Variants in DTD1 observed in about 807,000 individuals in gnomAD.
DTD1 encodes D-tyrosyl-tRNA deacylase 1 homolog.
DTD1 carries 13 observed loss-of-function variants against 25.6 expected under a neutral mutation model. That is an observed-to-expected ratio of 0.51 (90% CI 0.33 to 0.81). The LOEUF is 0.81. Ranked by LOEUF, DTD1 falls within the 30% of genes least tolerant of loss-of-function variation. DTD1 has a pLI of 0.02. For synonymous variants in DTD1, 110 were observed against 103.6 expected, an observed-to-expected ratio of 1.06 and a Z score of -0.37; for missense variants, 193 against 266.4, an observed-to-expected ratio of 0.72 and a Z score of 1.92.
chr20:18,679,756 C>T (rs920640103), intron 4 of DTD1, among the ~76,000 whole-genome samples: 7 of 152,190 alleles, frequency 4.6e-5, no homozygotes, highest in African/African-American at 1.4e-4. Flanking sequence ...TAAGTAAGCC[C>T]TAAATATTTC....
intron 3 of DTD1, among the ~76,000 whole-genome samples, chr20:18,614,336 T>C (rs1469116984): frequency 1.3e-5 from 2 of 152,138 alleles, no homozygotes; most frequent in African/African-American, 4.8e-5. Context: ...CCAGGTGATA[T>C]CCTGAATGCA....
rs186674491 is a variant in DTD1 at position 18,717,582 on chromosome 20, T to C, written c.478-26518T>C. Among the ~76,000 whole-genome samples, 268 of 152,344 alleles carry C rather than the reference T, an allele frequency of 1.8e-3. 3 individuals are homozygous for C. Among genetic ancestry groups the C allele is most frequent in the Admixed American group, 8.6e-3 (132 of 15,308 alleles). The stretch of plus-strand genomic sequence containing the variant: ...GCTACACAGTTTGCAAATTTTCAAA[T>C]TGTCTCATATCTTCAAAACATTTTC... On this transcript the variant is annotated intron_variant, in intron 4 of 5. Transcript: ENST00000377452.
At chr20:18,725,224 T>C (rs1357424819) in intron 4 of DTD1, among the ~76,000 whole-genome samples, 1 of 152,148 alleles carries the variant, frequency 6.6e-6, no homozygotes, top group Admixed American at 6.5e-5. Context: ...AACTTTTGGG[T>C]CACCAGGTCA....
intron 4 of DTD1, chr20:18,630,552 C>T (rs6045526): frequency 0.51 from 77,563 of 151,036 alleles, 20,389 homozygotes; most frequent in Middle Eastern, 0.57. Flanking sequence ...TTAGTAGAGA[C>T]GGGGTTTTAC....
intron 1 of DTD1, among the ~76,000 whole-genome samples, chr20:18,589,111 G>A (rs933897806): frequency 2.0e-5 from 3 of 152,148 alleles, no homozygotes; most frequent in Non-Finnish European, 2.9e-5. Context: ...AGCTCTTTGG[G>A]AGGCCAAGGC....
At chr20:18,631,086 G>T (rs1345851915) in intron 4 of DTD1, 1 of 985,280 alleles carries the variant, frequency 1.0e-6, no homozygotes. Context: ...ATTCACAGCA[G>T]ACAGCTCTCT....
intron 4 of DTD1, among the ~76,000 whole-genome samples, 170 bp from the exon 5 acceptor site, chr20:18,743,930 T>C (rs141064345): frequency 1.4e-4 from 22 of 152,296 alleles, no homozygotes; most frequent in African/African-American, 5.3e-4. Flanking sequence ...TTCAGGTGCC[T>C]GTTGGAAAAA....
At chr20:18,644,131 T>C (rs2060841362) in intron 4 of DTD1, among the ~76,000 whole-genome samples, 1 of 152,190 alleles carries the variant, frequency 6.6e-6, no homozygotes, top group Non-Finnish European at 1.5e-5. Flanking sequence ...CAAAATTGCT[T>C]TTTTTACATC....
At chr20:18,637,282 C>A (rs902233678) in intron 4 of DTD1, among the ~76,000 whole-genome samples, 1 of 152,216 alleles carries the variant, frequency 6.6e-6, no homozygotes, top group Non-Finnish European at 1.5e-5. Flanking sequence ...AACACCCCTT[C>A]CCCCTGCCAC....
chr20:18,736,854 G>A (rs1265970252), intron 4 of DTD1, among the ~76,000 whole-genome samples: 1 of 152,052 alleles, frequency 6.6e-6, no homozygotes, highest in East Asian at 1.9e-4. Context: ...CTATTGCCTG[G>A]CCTGATCTTG....
chr20:18,600,811 A>AT (rs1013231366), intron 3 of DTD1, among the ~76,000 whole-genome samples: 5 of 151,990 alleles, frequency 3.3e-5, no homozygotes, highest in Admixed American at 1.3e-4. Context: ...AGATATTCTA[A>AT]TTTTTTTTAA....
chr20:18,645,349 C>T (rs971404302), intron 4 of DTD1, among the ~76,000 whole-genome samples: 2 of 152,154 alleles, frequency 1.3e-5, no homozygotes, highest in East Asian at 1.9e-4. Flanking sequence ...ATTTACATAC[C>T]CGCAGGGAGA....
intron 4 of DTD1, among the ~76,000 whole-genome samples, chr20:18,644,787 A>T (rs905842536): frequency 6.6e-6 from 1 of 152,150 alleles, no homozygotes; most frequent in Admixed American, 6.6e-5. Flanking sequence ...GAGGTGTGAC[A>T]TTAGGCAAAT....
At chr20:18,641,015 G>C (rs149110184) in intron 4 of DTD1, among the ~76,000 whole-genome samples, 3 of 152,280 alleles carry the variant, frequency 2.0e-5, no homozygotes, top group African/African-American at 7.2e-5. Flanking sequence ...TTCAGCCACT[G>C]GCAACGGCCC....
intron 4 of DTD1, among the ~76,000 whole-genome samples, chr20:18,714,045 C>T (rs550901248): frequency 2.0e-5 from 3 of 152,282 alleles, no homozygotes; most frequent in South Asian, 2.1e-4. Context: ...AAGGTCTGCA[C>T]GCTTTAGCTC....
chr20:18,734,581 C>G (rs973004580), intron 4 of DTD1, among the ~76,000 whole-genome samples: 2 of 152,236 alleles, frequency 1.3e-5, no homozygotes, highest in South Asian at 4.1e-4. Flanking sequence ...GCAGAGCACA[C>G]TGAGGCATGG....
chr20:18,745,254 T>C (rs562189141), intron 5 of DTD1, among the ~76,000 whole-genome samples: 1 of 152,332 alleles, frequency 6.6e-6, no homozygotes, highest in East Asian at 1.9e-4. Context: ...TGTGGCTCAC[T>C]GTAGCACGGA....
intron 4 of DTD1, 109 bp from the exon 5 acceptor site, chr20:18,743,991 T>C (rs755957894): frequency 8.2e-7 from 1 of 1,215,872 alleles, no homozygotes; most frequent in South Asian, 1.6e-5. Flanking sequence ...TGCCAGGTTA[T>C]CAGAAAAAAA....
chr20:18,762,183 T>C (rs768541314), intron 5 of DTD1, among the ~76,000 whole-genome samples: 2 of 152,152 alleles, frequency 1.3e-5, no homozygotes, highest in East Asian at 3.8e-4. Flanking sequence ...CTGCACTGAG[T>C]GTATCAGGAA....
Sources: allele counts gnomAD v4.1 joint callset (sites outside exome capture counted in the v4.1 genomes callset), GRCh38; gene constraint gnomAD v4.1.1; transcripts MANE v1.5; gene names NCBI Gene and HGNC (gene_info 2026-07-23, HGNC 2026-07-21).